The following TMEM232 variants were observed in gnomAD, a reference collection of about 807,000 sequenced individuals.
TMEM232 encodes the protein transmembrane protein 232.
In TMEM232, 80 loss-of-function variants were observed where a neutral mutation model predicts 78.8. The observed-to-expected ratio is 1.01, with a 90% CI of 0.85 to 1.22. The LOEUF (loss-of-function observed/expected upper bound fraction) is 1.22, where lower values mean the gene tolerates loss of function less well. Among genes scored for constraint, TMEM232 ranks in the 50% most tolerant of loss-of-function variants. TMEM232 has a pLI of 0.00. For missense variants in TMEM232, 881 were observed against 742.2 expected, an observed-to-expected ratio of 1.19 and a Z score of -2.17; for synonymous variants, 297 against 254.3, an observed-to-expected ratio of 1.17 and a Z score of -1.60.
At chr5:110,734,033 C>T (rs1798935745) in intron 2 of TMEM232, among the ~76,000 whole-genome samples, 1 of 152,136 alleles carries the variant, frequency 6.6e-6, no homozygotes. Flanking sequence ...AGTTAGTTGA[C>T]ATGTTTGTGA....
intron 4 of TMEM232, among the ~76,000 whole-genome samples, chr5:110,639,279 A>T (rs1786336865): frequency 6.6e-6 from 1 of 152,234 alleles, no homozygotes; most frequent in South Asian, 2.1e-4. Context: ...TAAAACACTC[A>T]TTCAGTTATT....
chr5:110,631,995 G>A (rs1268523994), intron 5 of TMEM232, among the ~76,000 whole-genome samples: 1 of 151,742 alleles, frequency 6.6e-6, no homozygotes, highest in African/African-American at 2.4e-5. Flanking sequence ...TGGGGTACAA[G>A]AACAGGCATA....
At chr5:110,630,488 C>T (rs1481247843) in intron 5 of TMEM232, among the ~76,000 whole-genome samples, 3 of 152,138 alleles carry the variant, frequency 2.0e-5, no homozygotes, top group Non-Finnish European at 4.4e-5. Context: ...GTGACTGGAT[C>T]ACGGAGGTGG....
chr5:110,453,697 C>T (rs1760570215), intron 12 of TMEM232, among the ~76,000 whole-genome samples: 1 of 151,980 alleles, frequency 6.6e-6, no homozygotes, highest in Non-Finnish European at 1.5e-5. Flanking sequence ...GAATTTTAGC[C>T]CTGACTATGC....
At chr5:110,406,507 A>G (rs1393585014) in intron 2 of TMEM232, among the ~76,000 whole-genome samples, 1 of 151,960 alleles carries the variant, frequency 6.6e-6, no homozygotes, top group Non-Finnish European at 1.5e-5. Flanking sequence ...AAAAACTGCA[A>G]CCTCAGAACA....
At chr5:110,493,097 C>A (rs930724217) in intron 12 of TMEM232, among the ~76,000 whole-genome samples, 3 of 151,604 alleles carry the variant, frequency 2.0e-5, no homozygotes, top group African/African-American at 7.3e-5. Context: ...CAACAAAACA[C>A]CCATACAAGA....
intron 7 of TMEM232, among the ~76,000 whole-genome samples, chr5:110,624,544 AC>A (rs1297059425): frequency 1.3e-5 from 2 of 152,122 alleles, no homozygotes; most frequent in African/African-American, 4.8e-5. Flanking sequence ...TACTGCTAAA[AC>A]ATTTTTTATA....
chr5:110,566,079 CATTAT>C (rs757104521), intron 11 of TMEM232, among the ~76,000 whole-genome samples: 1 of 151,660 alleles, frequency 6.6e-6, no homozygotes, highest in Non-Finnish European at 1.5e-5. Flanking sequence ...CTCATTTTTC[CATTAT>C]ATTAGCTAGT....
intron 10 of TMEM232, among the ~76,000 whole-genome samples, chr5:110,587,707 G>A (rs1483638925): frequency 7.4e-4 from 99 of 134,644 alleles, no homozygotes; most frequent in African/African-American, 2.5e-3. Context: ...GTGTGTGTGT[G>A]TGTGTGTGTG....
intron 2 of TMEM232, among the ~76,000 whole-genome samples, chr5:110,645,021 A>C: frequency 6.6e-6 from 1 of 151,538 alleles, no homozygotes; most frequent in Non-Finnish European, 1.5e-5. Flanking sequence ...AAGCTACCAA[A>C]ACTGAATCAA....
intron 12 of TMEM232, among the ~76,000 whole-genome samples, chr5:110,425,226 G>C (rs1757105976): frequency 6.6e-6 from 1 of 151,914 alleles, no homozygotes; most frequent in African/African-American, 2.4e-5. Context: ...AAGATATGCT[G>C]AAAAAAATGA....
intron 10 of TMEM232, among the ~76,000 whole-genome samples, chr5:110,586,978 A>T (rs931537233): frequency 6.6e-6 from 1 of 152,186 alleles, no homozygotes; most frequent in East Asian, 1.9e-4. Flanking sequence ...AACTTGGATG[A>T]CATAAAAGAG....
At chr5:110,698,445 A>C (rs554838478) in intron 1 of TMEM232, among the ~76,000 whole-genome samples, 1 of 143,906 alleles carries the variant, frequency 6.9e-6, no homozygotes, top group East Asian at 1.9e-4. Flanking sequence ...TAATAAAATT[A>C]AAAAAAAATG....
intron 1 of TMEM232, among the ~76,000 whole-genome samples, chr5:110,679,739 T>C (rs1715412145): frequency 1.2e-5 from 1 of 84,802 alleles, no homozygotes; most frequent in Admixed American, 1.4e-4. Flanking sequence ...ATTAGTTACA[T>C]GTATTTTCAC....
chr5:110,485,428 T>G (rs1166355612), intron 12 of TMEM232, among the ~76,000 whole-genome samples: 1 of 152,122 alleles, frequency 6.6e-6, no homozygotes. Flanking sequence ...GCACCGTATT[T>G]GTAGTCTTTT....
chr5:110,598,345 CAA>C (rs1335271147), intron 10 of TMEM232, among the ~76,000 whole-genome samples: 6 of 151,962 alleles, frequency 3.9e-5, no homozygotes, highest in Non-Finnish European at 8.8e-5. Context: ...GGCAATCATT[CAA>C]AAGTCAGGAA....
chr5:110,556,359 C>CCCTT (rs368974293), intron 11 of TMEM232, among the ~76,000 whole-genome samples: 54 of 136,370 alleles, frequency 4.0e-4, no homozygotes, highest in Non-Finnish European at 6.9e-4. Flanking sequence ...CCTTCCCTTC[C>CCCTT]CCTTCCTTCC....
At chr5:110,691,624 A>C (rs1794128409) in intron 1 of TMEM232, among the ~76,000 whole-genome samples, 1 of 152,252 alleles carries the variant, frequency 6.6e-6, no homozygotes, top group Admixed American at 6.5e-5. Context: ...ATTCTGTCAA[A>C]TATTTCATCA....
intron 12 of TMEM232, among the ~76,000 whole-genome samples, chr5:110,494,746 C>A (rs1580925136): frequency 6.6e-6 from 1 of 152,078 alleles, no homozygotes; most frequent in South Asian, 2.1e-4. Flanking sequence ...GATATTCACA[C>A]AATAAAATAT....
Sources: allele counts gnomAD v4.1 joint callset (sites outside exome capture counted in the v4.1 genomes callset), GRCh38; gene constraint gnomAD v4.1.1; transcripts MANE v1.5; gene names NCBI Gene and HGNC (gene_info 2026-07-23, HGNC 2026-07-21).